TENM4: variants seen among roughly 807,000 people sequenced by gnomAD.
The protein encoded by TENM4 is teneurin-4.
TENM4 carries 82 observed loss-of-function variants against 243.3 expected under a neutral mutation model. The ratio of observed to expected loss-of-function variants is 0.34; its 90% confidence interval spans 0.28 to 0.40. The LOEUF is 0.40. TENM4 is among the 10% of genes least tolerant of loss of function. The pLI, the probability that TENM4 is intolerant of heterozygous loss-of-function variation, is 1.00. For synonymous variants in TENM4, 1,412 were observed against 1,456.3 expected (o/e 0.97, Z 0.69); for missense variants, 3,138 against 3,673.3 (o/e 0.85, Z 3.77).
chr11:79,411,757 G>C (rs1858706068), intron 1 of TENM4, among the ~76,000 whole-genome samples: 1 of 152,142 alleles, frequency 6.6e-6, no homozygotes, highest in Non-Finnish European at 1.5e-5. Context: ...GGAAGAATTT[G>C]TTCAATGGAA....
intron 12 of TENM4, among the ~76,000 whole-genome samples, chr11:78,848,659 T>C (rs1021949338): frequency 6.6e-6 from 1 of 152,056 alleles, no homozygotes; most frequent in African/African-American, 2.4e-5. Flanking sequence ...ACTCCAGGAG[T>C]GACTGTTCTT....
chr11:78,745,565 C>T (rs957595716), intron 19 of TENM4, among the ~76,000 whole-genome samples: 2 of 152,104 alleles, frequency 1.3e-5, no homozygotes, highest in African/African-American at 4.8e-5. Context: ...TCTTGATCTC[C>T]CTCAGAATGC....
At chr11:79,136,909 A>G (rs1169256414) in intron 4 of TENM4, among the ~76,000 whole-genome samples, 1 of 152,134 alleles carries the variant, frequency 6.6e-6, no homozygotes, top group Non-Finnish European at 1.5e-5. Context: ...CACAGTTACA[A>G]AGCCAACTAG....
chr11:79,369,507 C>A (rs1315154131), intron 1 of TENM4, among the ~76,000 whole-genome samples: 1 of 152,138 alleles, frequency 6.6e-6, no homozygotes, highest in East Asian at 1.9e-4. Flanking sequence ...AACAGGTGCT[C>A]AACTTTAAGT....
chr11:79,012,234 C>A (rs574243805), intron 6 of TENM4, among the ~76,000 whole-genome samples: 4 of 152,106 alleles, frequency 2.6e-5, no homozygotes, highest in Admixed American at 6.5e-5. Context: ...ATTTTTAAGC[C>A]GTGTGTATTT....
chr11:78,828,337 G>C (rs952384253), intron 12 of TENM4, among the ~76,000 whole-genome samples: 8 of 152,162 alleles, frequency 5.3e-5, no homozygotes, highest in South Asian at 2.1e-4. Flanking sequence ...TATTTGGGGG[G>C]CATGTAGTAA....
chr11:78,696,573 G>A (rs186387577), intron 28 of TENM4, among the ~76,000 whole-genome samples: 4 of 152,276 alleles, frequency 2.6e-5, no homozygotes, highest in East Asian at 3.9e-4. Flanking sequence ...AGGATTTGAA[G>A]TCTGTTTATG....
At chr11:79,001,866 G>A (rs1858337877) in intron 6 of TENM4, among the ~76,000 whole-genome samples, 1 of 152,112 alleles carries the variant, frequency 6.6e-6, no homozygotes, top group Non-Finnish European at 1.5e-5. Flanking sequence ...CCTGACCATT[G>A]GAGAGCTCCA....
intron 6 of TENM4, among the ~76,000 whole-genome samples, chr11:79,056,491 T>C (rs1859946658): frequency 6.6e-6 from 1 of 152,026 alleles, no homozygotes; most frequent in Non-Finnish European, 1.5e-5. Flanking sequence ...TAGCCGTCAG[T>C]GTTGGCTCCC....
chr11:79,165,345 T>A (rs1404820511), intron 3 of TENM4, among the ~76,000 whole-genome samples: 1 of 152,088 alleles, frequency 6.6e-6, no homozygotes, highest in African/African-American at 2.4e-5. Flanking sequence ...CTTGCAGGAG[T>A]GAGACAGTAT....
At chr11:78,854,999 C>A (rs1591073634) in intron 11 of TENM4, among the ~76,000 whole-genome samples, 1 of 152,282 alleles carries the variant, frequency 6.6e-6, no homozygotes, top group East Asian at 1.9e-4. Context: ...GTGTTAACAA[C>A]AAGTAGGTGG....
chr11:78,917,396 C>A (rs887881647), intron 6 of TENM4, among the ~76,000 whole-genome samples: 2 of 152,236 alleles, frequency 1.3e-5, no homozygotes, highest in East Asian at 3.9e-4. Flanking sequence ...CCCTAAAAGG[C>A]CTCACTTGGG....
At chr11:79,310,407 G>A (rs879212759) in intron 1 of TENM4, among the ~76,000 whole-genome samples, 1 of 152,220 alleles carries the variant, frequency 6.6e-6, no homozygotes, top group Non-Finnish European at 1.5e-5. Flanking sequence ...GTGAATAAAG[G>A]AGAGCAGCAA....
chr11:79,253,739 G>A (rs769813137), intron 2 of TENM4, among the ~76,000 whole-genome samples: 1 of 152,144 alleles, frequency 6.6e-6, no homozygotes, highest in Non-Finnish European at 1.5e-5. Flanking sequence ...GGATGAAGAC[G>A]TTTAGACCTT....
intron 6 of TENM4, among the ~76,000 whole-genome samples, chr11:79,064,418 A>T (rs1157031366): frequency 2.0e-5 from 3 of 152,152 alleles, no homozygotes; most frequent in African/African-American, 7.2e-5. Flanking sequence ...TTGATGGAGG[A>T]TAAACTATGG....
intron 4 of TENM4, among the ~76,000 whole-genome samples, chr11:79,117,952 G>A (rs753023394): frequency 3.9e-5 from 6 of 152,274 alleles, no homozygotes; most frequent in Non-Finnish European, 8.8e-5. Context: ...GGAAGAGAAT[G>A]GTTATGAAAA....
At chr11:79,260,618 C>T (rs950147265) in intron 2 of TENM4, among the ~76,000 whole-genome samples, 1 of 152,124 alleles carries the variant, frequency 6.6e-6, no homozygotes, top group Non-Finnish European at 1.5e-5. Flanking sequence ...TTCCCTGTTG[C>T]CCAGTATGCG....
intron 29 of TENM4, among the ~76,000 whole-genome samples, chr11:78,685,257 T>C (rs1437777179): frequency 3.3e-5 from 5 of 152,234 alleles, no homozygotes; most frequent in African/African-American, 1.2e-4. Flanking sequence ...GATGATCCCA[T>C]TTAATGTGGG....
chr11:78,854,467 A>C (rs968785605), intron 11 of TENM4, among the ~76,000 whole-genome samples, 153 bp from the exon 12 acceptor site: 6 of 152,214 alleles, frequency 3.9e-5, no homozygotes, highest in Admixed American at 2.0e-4. Flanking sequence ...TGATCAATCA[A>C]CTCAACTCTT....
Sources: allele counts gnomAD v4.1 joint callset (sites outside exome capture counted in the v4.1 genomes callset), GRCh38; gene constraint gnomAD v4.1.1; transcripts MANE v1.5; gene names NCBI Gene and HGNC (gene_info 2026-07-23, HGNC 2026-07-21).